CNTNAP4: variants seen among roughly 807,000 people sequenced by gnomAD.
CNTNAP4 encodes the protein contactin-associated protein-like 4.
A neutral mutation model predicts 148.4 loss-of-function variants in CNTNAP4; 98 were observed. The observed-to-expected ratio is 0.66, with a 90% confidence interval of 0.56 to 0.78. The LOEUF (loss-of-function observed/expected upper bound fraction) is 0.78. Ranked by LOEUF, CNTNAP4 falls within the 30% of genes least tolerant of loss-of-function variation. The pLI, the probability that CNTNAP4 is intolerant of heterozygous loss-of-function variation, is 0.00. For synonymous variants in CNTNAP4, 730 were observed against 565.1 expected (o/e 1.29, Z -4.14); for missense variants, 1,935 against 1,565.6 (o/e 1.24, Z -3.98).
chr16:76,387,916 C>G (rs1226209286), intron 3 of CNTNAP4, among the ~76,000 whole-genome samples: 2 of 152,110 alleles, frequency 1.3e-5, no homozygotes, highest in East Asian at 3.8e-4. Flanking sequence ...GGGATCTATT[C>G]CCCTCTTTTG....
chr16:76,526,805 C>T (rs2083752758), intron 17 of CNTNAP4, among the ~76,000 whole-genome samples: 1 of 152,080 alleles, frequency 6.6e-6, no homozygotes, highest in Non-Finnish European at 1.5e-5. Context: ...TCCCAAGTAG[C>T]TGGCACCACA....
In CNTNAP4 at chr16:76,489,896, T is replaced by G. The variant is rs1227235233; in HGVS notation, c.2080+13T>G. 1 of 1,496,028 alleles carries G rather than the reference T, an allele frequency of 6.7e-7. No homozygotes were observed. Among genetic ancestry groups the G allele is most frequent in the Non-Finnish European group, 9.0e-7 (1 of 1,105,784 alleles). The allele number at this position is 1,496,028 out of a possible 1,614,324, so 92.7% of individuals were successfully genotyped here. On this transcript the variant is annotated intron_variant, in intron 13 of 23. Coordinates refer to ENST00000611870, the MANE Select transcript of CNTNAP4 (RefSeq NM_033401.5). ...GTCAATAAGCAAGGTAAGTAAACCATGGTGTCTGTCTTGTTGCACACATCA... is the reference window on the plus strand; with the variant it reads ...GTCAATAAGCAAGGTAAGTAAACCAGGGTGTCTGTCTTGTTGCACACATCA...
At chr16:76,427,992 A>G (rs1455810348) in intron 4 of CNTNAP4, among the ~76,000 whole-genome samples, 3 of 152,216 alleles carry the variant, frequency 2.0e-5, no homozygotes, top group East Asian at 1.9e-4. Flanking sequence ...TTTAACCGTC[A>G]TGTTATGAAA....
intron 1 of CNTNAP4, among the ~76,000 whole-genome samples, chr16:76,303,666 T>C (rs1425292606): frequency 1.3e-5 from 2 of 152,202 alleles, no homozygotes; most frequent in Non-Finnish European, 2.9e-5. Flanking sequence ...TCTTAATAAA[T>C]TGTGGCTGTT....
chr16:76,400,793 G>A (rs1173619638), intron 3 of CNTNAP4, among the ~76,000 whole-genome samples: 2 of 152,120 alleles, frequency 1.3e-5, no homozygotes, highest in Non-Finnish European at 2.9e-5. Context: ...TATTGAATAA[G>A]GGGTCCTTTC....
At chr16:76,346,209 A>G (rs1222649768) in intron 2 of CNTNAP4, among the ~76,000 whole-genome samples, 1 of 152,130 alleles carries the variant, frequency 6.6e-6, no homozygotes, top group Non-Finnish European at 1.5e-5. Context: ...GCATTTTACT[A>G]ATTGGGGAAA....
intron 1 of CNTNAP4, among the ~76,000 whole-genome samples, chr16:76,306,134 T>C (rs1312634927): frequency 1.3e-5 from 2 of 152,204 alleles, no homozygotes; most frequent in African/African-American, 2.4e-5. Flanking sequence ...AATGTATGTG[T>C]CTTTTTGGTA....
chr16:76,521,934 T>C, intron 16 of CNTNAP4, 105 bp from the exon 17 acceptor site: 2 of 1,006,286 alleles, frequency 2.0e-6, no homozygotes, highest in Non-Finnish European at 3.1e-6. Flanking sequence ...TCGTTATCTT[T>C]CTGTTCAGCG....
chr16:76,490,818 C>G (rs1194756196), intron 13 of CNTNAP4, among the ~76,000 whole-genome samples: 1 of 152,120 alleles, frequency 6.6e-6, no homozygotes, highest in Admixed American at 6.6e-5. Flanking sequence ...CACGTATTTT[C>G]TAGCAGTGGC....
chr16:76,496,963 G>A (rs2082421165), intron 14 of CNTNAP4, among the ~76,000 whole-genome samples: 2 of 152,150 alleles, frequency 1.3e-5, no homozygotes, highest in African/African-American at 2.4e-5. Flanking sequence ...GGTATTTTAA[G>A]TAGATAAGTG....
At chr16:76,292,037 A>G (rs948052272) in intron 1 of CNTNAP4, among the ~76,000 whole-genome samples, 7 of 152,200 alleles carry the variant, frequency 4.6e-5, no homozygotes, top group African/African-American at 1.7e-4. Context: ...TTTTGAACTC[A>G]TTGGTTGTCC....
At chr16:76,474,356 A>C (rs1301178068) in intron 10 of CNTNAP4, among the ~76,000 whole-genome samples, 2 of 152,208 alleles carry the variant, frequency 1.3e-5, no homozygotes, top group Admixed American at 1.3e-4. Context: ...AGTTTTCTAA[A>C]GTAAACGCTC....
At chr16:76,547,991 A>G (rs1597132699) in intron 21 of CNTNAP4, among the ~76,000 whole-genome samples, 2 of 152,216 alleles carry the variant, frequency 1.3e-5, no homozygotes, top group African/African-American at 4.8e-5. Flanking sequence ...TTGTAAAATG[A>G]CACTTAAAAT....
intron 2 of CNTNAP4, among the ~76,000 whole-genome samples, chr16:76,348,107 TTAA>T (rs1276200718): frequency 6.6e-6 from 1 of 151,918 alleles, no homozygotes; most frequent in Admixed American, 6.6e-5. Context: ...AGCAGGATTC[TTAA>T]TAATAAAGCA....
At chr16:76,479,160 T>G (rs1479984046) in intron 11 of CNTNAP4, among the ~76,000 whole-genome samples, 9 of 152,090 alleles carry the variant, frequency 5.9e-5, no homozygotes, top group Non-Finnish European at 1.0e-4. Context: ...TAGCTAAATT[T>G]TGATTTTGAC....
chr16:76,370,460 C>G (rs1458973797), intron 3 of CNTNAP4, among the ~76,000 whole-genome samples: 3 of 152,136 alleles, frequency 2.0e-5, no homozygotes, highest in Admixed American at 1.3e-4. Flanking sequence ...CAGCCACTAC[C>G]AAGTAGCAGC....
At chr16:76,473,782 A>G (rs546064835) in intron 10 of CNTNAP4, among the ~76,000 whole-genome samples, 1 of 152,064 alleles carries the variant, frequency 6.6e-6, no homozygotes. Context: ...CCAAACAAAT[A>G]AAAATAAAGG....
intron 12 of CNTNAP4, among the ~76,000 whole-genome samples, chr16:76,488,139 G>A (rs2082090651): frequency 1.3e-5 from 2 of 152,186 alleles, no homozygotes; most frequent in African/African-American, 4.8e-5. Context: ...TGAGTTGGCT[G>A]AAATTACAGA....
At chr16:76,511,127 C>T (rs2083009593) in intron 15 of CNTNAP4, among the ~76,000 whole-genome samples, 1 of 152,116 alleles carries the variant, frequency 6.6e-6, no homozygotes, top group Non-Finnish European at 1.5e-5. Flanking sequence ...GTCTCTCTAT[C>T]TGAGCAAGGC....
Sources: allele counts gnomAD v4.1 joint callset (sites outside exome capture counted in the v4.1 genomes callset), GRCh38; gene constraint gnomAD v4.1.1; transcripts MANE v1.5; gene names NCBI Gene and HGNC (gene_info 2026-07-23, HGNC 2026-07-21).